Variants in MCMBP observed in about 807,000 individuals in gnomAD.
The protein encoded by MCMBP is minichromosome maintenance complex binding protein, also known as mini-chromosome maintenance complex-binding protein.
A neutral mutation model predicts 81.3 loss-of-function variants in MCMBP; 31 were observed. That is an observed-to-expected ratio of 0.38 (90% CI 0.29 to 0.51). The LOEUF (loss-of-function observed/expected upper bound fraction) is 0.51. Ranked by LOEUF, MCMBP falls within the 20% of genes least tolerant of loss-of-function variation. MCMBP has a pLI of 0.87. For missense variants in MCMBP, 645 were observed against 772.1 expected, an observed-to-expected ratio of 0.84 and a Z score of 1.95; for synonymous variants, 267 against 275.9, an observed-to-expected ratio of 0.97 and a Z score of 0.32.
intron 1 of MCMBP, among the ~76,000 whole-genome samples, chr10:119,870,069 CTAGAT>C (rs1202391452): frequency 6.6e-6 from 1 of 152,224 alleles, no homozygotes; most frequent in Non-Finnish European, 1.5e-5. Flanking sequence ...ACAGCACACT[CTAGAT>C]TATTGTGACA....
chr10:119,831,462 G>A lies in MCMBP; in HGVS notation c.*12C>T, dbSNP rs1205052581. 2 of 1,613,454 alleles carry A rather than the reference G, an allele frequency of 1.2e-6. No individual in the cohort carries two copies. The highest frequency in any genetic ancestry group is 1.7e-5 in the Admixed American group (1 of 59,936). On this transcript the variant is annotated 3_prime_UTR_variant, in exon 16 of 16. Coordinates refer to ENST00000369077, the MANE Select transcript of MCMBP (RefSeq NM_001256378.2). The stretch of plus-strand genomic sequence containing the variant: ...TACAGTTTGCCCATTACTCTTCATA[G>A]GTATTACATCTTTAAAGTTCATTTC...
At chr10:119,833,965 T>C (rs960585112) in intron 14 of MCMBP, among the ~76,000 whole-genome samples, 5 of 152,134 alleles carry the variant, frequency 3.3e-5, no homozygotes, top group South Asian at 2.1e-4. Flanking sequence ...AAAAATTCTC[T>C]AGAGGTGCTC....
chr10:119,831,777 G>A (rs368394390), intron 15 of MCMBP, among the ~76,000 whole-genome samples, 177 bp from the exon 16 acceptor site: 6 of 152,202 alleles, frequency 3.9e-5, no homozygotes, highest in African/African-American at 1.2e-4. Flanking sequence ...TCGTTGAAGA[G>A]TCAGAATTGG....
chr10:119,845,401 G>A (rs1466942645), intron 8 of MCMBP, among the ~76,000 whole-genome samples: 1 of 152,014 alleles, frequency 6.6e-6, no homozygotes, highest in Non-Finnish European at 1.5e-5. Context: ...AGATTTCCAA[G>A]ATATGTTGTT....
intron 1 of MCMBP, among the ~76,000 whole-genome samples, chr10:119,863,279 G>A (rs910126534): frequency 6.6e-6 from 1 of 152,030 alleles, no homozygotes; most frequent in Non-Finnish European, 1.5e-5. Flanking sequence ...ATAGTTTCAG[G>A]TTTTATACTC....
upstream of MCMBP, among the ~76,000 whole-genome samples, chr10:119,873,006 C>T (rs927978660): frequency 1.3e-5 from 2 of 151,884 alleles, no homozygotes; most frequent in African/African-American, 2.4e-5. Flanking sequence ...GGGCACGCAG[C>T]GCCGCTGGAG....
intron 8 of MCMBP, among the ~76,000 whole-genome samples, chr10:119,846,663 G>A (rs1008973392): frequency 6.6e-6 from 1 of 152,130 alleles, no homozygotes; most frequent in Non-Finnish European, 1.5e-5. Context: ...AACATACTGA[G>A]GATACATCAA....
chr10:119,834,959 G>A (rs898561713), intron 14 of MCMBP, among the ~76,000 whole-genome samples: 1 of 149,778 alleles, frequency 6.7e-6, no homozygotes, highest in African/African-American at 2.5e-5. Flanking sequence ...AAAGATACTA[G>A]ACAGTAACAT....
In MCMBP at chr10:119,831,018, T is replaced by G. The variant is rs371917017; in HGVS notation, c.*456A>C. On this transcript the variant is annotated 3_prime_UTR_variant, in exon 16 of 16. Transcript: ENST00000369077. Reference sequence around the variant, plus strand: ...CAAGTACGCCTCCGTTCCCCAAAGATGGACTACTGAATGCACCCCAACCCA... The same window carrying G: ...CAAGTACGCCTCCGTTCCCCAAAGAGGGACTACTGAATGCACCCCAACCCA... The G allele has an allele frequency of 6.6e-6, 1 of 152,438 alleles. No individual in the cohort carries two copies. The highest frequency in any genetic ancestry group is 1.5e-5 in the Non-Finnish European group (1 of 68,268). The allele number at this position is 152,438 out of a possible 1,614,324, so 9.4% of individuals were successfully genotyped here.
rs201735659 is a variant in MCMBP at position 119,846,286 on chromosome 10, T to C, written c.827+1327A>G. On this transcript the variant is annotated intron_variant, in intron 8 of 15. Transcript: ENST00000369077. ...TCGAAATAAAATAATGATATTAACA[T>C]TGAATAAAATCAGAATCTATTAGTC... is the stretch of plus-strand genomic sequence containing the variant. 1.4e-4 allele frequency among the ~76,000 whole-genome samples: 21 copies of C among 152,308 alleles called. No homozygotes were observed. In the East Asian group the frequency reaches 2.7e-3, roughly 20 times the overall value.
chr10:119,848,048 T>C (rs1457871792), intron 7 of MCMBP, among the ~76,000 whole-genome samples: 1 of 151,714 alleles, frequency 6.6e-6, no homozygotes, highest in East Asian at 1.9e-4. Flanking sequence ...TCAAAACCTA[T>C]TAAACCACAC....
intron 5 of MCMBP, 82 bp from the exon 6 acceptor site, chr10:119,853,276 T>A: frequency 7.1e-7 from 1 of 1,414,896 alleles, no homozygotes. Context: ...TATAAAAAAT[T>A]ACTAGTTTGG....
intron 4 of MCMBP, 123 bp from the exon 5 acceptor site, chr10:119,857,562 AAGTAACT>A: frequency 1.8e-6 from 1 of 545,112 alleles, no homozygotes; most frequent in Middle Eastern, 4.8e-4. Flanking sequence ...ATTAATTAAC[AAGTAACT>A]AATTCCAAAC....
At chr10:119,839,151 C>CTTT (rs1374416860) in intron 11 of MCMBP, among the ~76,000 whole-genome samples, 1 of 152,160 alleles carries the variant, frequency 6.6e-6, no homozygotes, top group African/African-American at 2.4e-5. Context: ...TTTGAACAAA[C>CTTT]TTTTCAGAGA....
chr10:119,860,448 T>G (rs1356386248), intron 1 of MCMBP, among the ~76,000 whole-genome samples: 1 of 152,176 alleles, frequency 6.6e-6, no homozygotes, highest in Non-Finnish European at 1.5e-5. Flanking sequence ...CTACAAATAT[T>G]TCAGCGTGTC....
chr10:119,863,396 A>G (rs1853329761), intron 1 of MCMBP, among the ~76,000 whole-genome samples: 1 of 152,194 alleles, frequency 6.6e-6, no homozygotes, highest in South Asian at 2.1e-4. Flanking sequence ...TGATGAAAAG[A>G]ATATCCTTTT....
chr10:119,858,723 A>G (rs1853139931), intron 4 of MCMBP, among the ~76,000 whole-genome samples, 161 bp downstream of exon 4: 1 of 152,208 alleles, frequency 6.6e-6, no homozygotes, highest in African/African-American at 2.4e-5. Flanking sequence ...ATTAAAAAAA[A>G]GTCACATCAA....
At chr10:119,831,690 C>T (rs943495487) in intron 15 of MCMBP, 90 bp from the exon 16 acceptor site, 2 of 1,448,450 alleles carry the variant, frequency 1.4e-6, no homozygotes, top group African/African-American at 1.4e-5. Context: ...TTTGTGAAAA[C>T]ACAGAGCACG....
intron 1 of MCMBP, among the ~76,000 whole-genome samples, chr10:119,872,161 C>A (rs995111673): frequency 2.3e-4 from 35 of 152,162 alleles, no homozygotes; most frequent in African/African-American, 6.5e-4. Flanking sequence ...TGCGGGCCCT[C>A]CCCAGGGTTC....
Sources: gnomAD v4.1 joint callset for allele counts (sites outside exome capture counted in the v4.1 genomes callset) on GRCh38, gnomAD v4.1.1 for gene constraint, MANE v1.5 for transcripts, NCBI Gene and HGNC (gene_info 2026-07-23, HGNC 2026-07-21) for gene names.